Variants in MERTK observed in about 807,000 individuals in gnomAD.
MERTK encodes the protein MER proto-oncogene, tyrosine kinase, also known as tyrosine-protein kinase Mer.
In MERTK, 69 loss-of-function variants were observed where a neutral mutation model predicts 99.3. The observed-to-expected ratio is 0.70, with a 90% CI of 0.57 to 0.85. The LOEUF (loss-of-function observed/expected upper bound fraction) is 0.85, where lower values mean the gene tolerates loss of function less well. MERTK is among the 40% of genes least tolerant of loss of function. MERTK has a pLI of 0.00. For synonymous variants in MERTK, 426 were observed against 467.6 expected (o/e 0.91, Z 1.15); for missense variants, 1,125 against 1,249.4 (o/e 0.90, Z 1.50).
rs1165016629 is a variant in MERTK, at chr2:111,994,838, A to T, written c.1450+434A>T. ...AGAATCAAAAATAATTTTTCCAATG[A>T]TAAAGATATGATATGATAACATGCT... On this transcript the variant is annotated intron_variant, in intron 9 of 18. Transcript: ENST00000295408. 4 of 309,708 alleles carry T rather than the reference A, an allele frequency of 1.3e-5. No individual in the cohort carries two copies. In the East Asian group the frequency reaches 3.3e-4, roughly 26 times the overall value. The allele number at this position is 309,708 out of a possible 1,614,324, so 19.2% of individuals were successfully genotyped here. A position where few individuals can be genotyped will look rare whatever the true frequency, so the allele number is the denominator to read the frequency against.
In MERTK at chr2:112,022,335, G is replaced by C; in HGVS notation, c.2427G>C (p.Met809Ile). The change falls in exon 18 of 19, where the codon ATG becomes ATC. Residue 809 changes from methionine to isoleucine, a missense_variant. Coordinates refer to ENST00000295408, the MANE Select transcript of MERTK (RefSeq NM_006343.3). ...ATCCTGGGGTCCAGAACCATGAGAT[G>C]TATGACTATCTTCTCCATGGCCACA... is the stretch of plus-strand genomic sequence containing the variant. ...TPYPGVQNHE[M>I]YDYLLHGHRL... 1 of 1,614,210 alleles carries C rather than the reference G, an allele frequency of 6.2e-7. No individual in the cohort carries two copies. Among genetic ancestry groups the C allele is most frequent in the African/African-American group, 1.3e-5 (1 of 75,054 alleles).
At chr2:111,943,392 G>A (rs1044085035) in intron 2 of MERTK, among the ~76,000 whole-genome samples, 6 of 152,080 alleles carry the variant, frequency 3.9e-5, no homozygotes, top group East Asian at 3.9e-4. Flanking sequence ...AATGTTCCCC[G>A]GCTGAGAACG....
Position 112,021,479 on chromosome 2 carries a change from C to T in MERTK, c.2247C>T (p.Tyr749=). ...VADFGLSKKI[Y]SGDYYRQGRI... is the part of the protein sequence containing the mutation. ...ACTTCGGCCTCTCTAAGAAGATTTACAGTGGCGATTATTACCGCCAAGGCC... is the reference window on the plus strand; with the variant it reads ...ACTTCGGCCTCTCTAAGAAGATTTATAGTGGCGATTATTACCGCCAAGGCC... Residue 749 remains tyrosine (Y), a synonymous_variant, in exon 17 of 19, where the codon TAC becomes TAT. Transcript: ENST00000295408. The T allele has an allele frequency of 6.2e-7, 1 of 1,613,932 alleles. No individual in the cohort carries two copies. The highest frequency in any genetic ancestry group is 8.5e-7 in the Non-Finnish European group (1 of 1,179,888).
intron 1 of MERTK, among the ~76,000 whole-genome samples, chr2:111,921,177 C>T (rs1172305888): frequency 6.6e-6 from 1 of 152,008 alleles, no homozygotes; most frequent in Admixed American, 6.6e-5. Context: ...CTAGGTTCTG[C>T]GTTTTCTCCT....
chr2:112,024,440 A>G (rs1677422526), intron 18 of MERTK, among the ~76,000 whole-genome samples: 1 of 152,226 alleles, frequency 6.6e-6, no homozygotes, highest in South Asian at 2.1e-4. Context: ...GAAGTCAGGC[A>G]GAGAGGGGCG....
intron 1 of MERTK, among the ~76,000 whole-genome samples, chr2:111,902,119 A>G (rs1385944638): frequency 1.3e-5 from 2 of 152,238 alleles, no homozygotes; most frequent in Admixed American, 6.5e-5. Flanking sequence ...TCCCAACCTC[A>G]GGTGATCTGC....
At chr2:111,903,125 G>A (rs1211739429) in intron 1 of MERTK, among the ~76,000 whole-genome samples, 1 of 151,686 alleles carries the variant, frequency 6.6e-6, no homozygotes. Context: ...CCCACCACAA[G>A]GTAAGCTCCT....
intron 6 of MERTK, among the ~76,000 whole-genome samples, chr2:111,974,840 A>G (rs1278162843): frequency 6.6e-6 from 1 of 151,794 alleles, no homozygotes; most frequent in African/African-American, 2.4e-5. Context: ...CCCATCCTCT[A>G]AAAGCAGAAT....
intron 3 of MERTK, 96 bp downstream of exon 3, chr2:111,945,156 C>G (rs1362100893): frequency 3.2e-6 from 3 of 930,904 alleles, no homozygotes. Context: ...TTTTGCCTGC[C>G]TATTTATAAC....
chr2:112,022,794 T>C (rs1356570123), intron 18 of MERTK, among the ~76,000 whole-genome samples: 2 of 152,184 alleles, frequency 1.3e-5, no homozygotes, highest in Admixed American at 6.5e-5. Context: ...TCCTTCTATG[T>C]AGCATTTCAA....
At chr2:111,997,182 C>A (rs1168459516) in intron 9 of MERTK, 141 bp from the exon 10 acceptor site, 1 of 1,009,672 alleles carries the variant, frequency 9.9e-7, no homozygotes, top group Non-Finnish European at 1.6e-6. Flanking sequence ...TCAGCTTACA[C>A]AAAGTGAGAC....
intron 8 of MERTK, 41 bp from the exon 9 acceptor site, chr2:111,994,210 A>G (rs749114209): frequency 6.2e-7 from 1 of 1,611,772 alleles, no homozygotes; most frequent in Non-Finnish European, 8.5e-7. Context: ...GTTTGCCCAG[A>G]CCTCAGTGTT....
chr2:111,961,296 G>A (rs1281092199), intron 4 of MERTK, among the ~76,000 whole-genome samples: 2 of 150,938 alleles, frequency 1.3e-5, no homozygotes, highest in East Asian at 2.0e-4. Context: ...GAGTAGCTGG[G>A]ACTACAGGCG....
At position 111,904,564 on chromosome 2, in the gene MERTK, C is replaced by T. The variant is rs1175310057; in HGVS notation, c.61+5768C>T. 5.9e-5 allele frequency among the ~76,000 whole-genome samples: 9 copies of T among 151,942 alleles called. No homozygotes were observed. The East Asian group carries it at 9.6e-4, about 16-fold the overall frequency. On this transcript the variant is annotated intron_variant, in intron 1 of 18. Coordinates refer to ENST00000295408, the MANE Select transcript of MERTK (RefSeq NM_006343.3). Reference sequence around the variant, plus strand: ...CTAATTTTTGTATTTTAAGTAGAGACGGGGTTTCACCGTGTTGGGCAGGCT... The same window carrying T: ...CTAATTTTTGTATTTTAAGTAGAGATGGGGTTTCACCGTGTTGGGCAGGCT...
chr2:112,027,296 A>ATG lies in MERTK; in HGVS notation c.2487-1041_2487-1040dup, dbSNP rs201734486. On this transcript the variant is annotated intron_variant, in intron 18 of 18. Coordinates refer to ENST00000295408, the MANE Select transcript of MERTK (RefSeq NM_006343.3). ...ATATATGCCATATATGTGTGTGTAT[A>ATG]TGTGTGTGTGTGTGTATATATATAC... 1.8e-4 allele frequency among the ~76,000 whole-genome samples: 26 copies of ATG among 146,828 alleles called. 1 individual carries two copies. Among genetic ancestry groups the ATG allele is most frequent in the African/African-American group, 5.1e-4 (20 of 39,022 alleles).
At chr2:111,942,868 T>G (rs762176474) in intron 2 of MERTK, among the ~76,000 whole-genome samples, 65 of 152,246 alleles carry the variant, frequency 4.3e-4, no homozygotes, top group Admixed American at 7.2e-4. Context: ...GAGTTCTGAC[T>G]GATGCCATTG....
chr2:112,015,008 A>G (rs1047252219), intron 15 of MERTK, among the ~76,000 whole-genome samples: 2 of 152,344 alleles, frequency 1.3e-5, no homozygotes, highest in East Asian at 1.9e-4. Context: ...CAAGCTGTGT[A>G]TATCAATAGT....
At chr2:111,970,710 CTCCTCCTCCCTTGTCCT>C (rs1432533052) in intron 6 of MERTK, among the ~76,000 whole-genome samples, 2 of 136,106 alleles carry the variant, frequency 1.5e-5, no homozygotes, top group Non-Finnish European at 3.2e-5. Flanking sequence ...TTCCACCTCC[CTCCTCCTCCCTTGTCCT>C]TCCTCCCCCT....
At chr2:112,018,746 C>T (rs766576765) in intron 15 of MERTK, among the ~76,000 whole-genome samples, 12 of 152,176 alleles carry the variant, frequency 7.9e-5, no homozygotes, top group Non-Finnish European at 1.5e-4. Flanking sequence ...TTTTCTAACA[C>T]AGCAATCTAG....
Sources: gnomAD v4.1 joint callset for allele counts (sites outside exome capture counted in the v4.1 genomes callset) on GRCh38, gnomAD v4.1.1 for gene constraint, MANE v1.5 for transcripts, NCBI Gene and HGNC (gene_info 2026-07-23, HGNC 2026-07-21) for gene names.